The following VEGFA variants were observed in gnomAD, a reference collection of about 807,000 sequenced individuals.
VEGFA encodes vascular endothelial growth factor A, long form.
Under a neutral mutation model 49.7 loss-of-function variants are expected in VEGFA, and 20 were observed. The ratio of observed to expected loss-of-function variants is 0.40; its 90% CI spans 0.28 to 0.58. The LOEUF is 0.58. Ranked by LOEUF, VEGFA falls within the 20% of genes least tolerant of loss-of-function variation. VEGFA has a pLI of 0.40. For synonymous variants in VEGFA, 219 were observed against 223.4 expected, an observed-to-expected ratio of 0.98 and a Z score of 0.18; for missense variants, 505 against 553.5, an observed-to-expected ratio of 0.91 and a Z score of 0.88.
rs1470144810 is a variant in VEGFA at position 43,770,988 on chromosome 6, G to C, written c.282G>C (p.Glu94Asp). Residue 94 changes from glutamate to aspartate, a missense_variant, in exon 1 of 8, where the codon GAG becomes GAC. Glu to Asp is a conservative substitution (Grantham distance 45). Around this residue, in one of 2 missense-constraint regions of VEGFA, gnomAD observed 340 missense variants for 321.8 expected, o/e 1.06. Transcript: ENST00000672860. ...GCCGGGAGGAGCCGCAGCCGGAGGA[G>C]GGGGAGGAGGAAGAAGAGAAGGAAG... 4 of 1,542,480 alleles carry C rather than the reference G, an allele frequency of 2.6e-6. No homozygotes were observed. Among genetic ancestry groups the C allele is most frequent in the Non-Finnish European group, 2.6e-6 (3 of 1,144,660 alleles).
intron 7 of VEGFA, chr6:43,784,203 G>A: frequency 4.5e-6 from 2 of 440,718 alleles, no homozygotes; most frequent in South Asian, 2.3e-5. Flanking sequence ...CTCTTAAAAT[G>A]TCAAGTGGGG....
chr6:43,778,087 G>GA (rs1766061193), intron 3 of VEGFA: 1 of 457,320 alleles, frequency 2.2e-6, no homozygotes, highest in Non-Finnish European at 4.1e-6. Flanking sequence ...GGGTGGGAGG[G>GA]AGCTGTGAAA....
chr6:43,783,187 GTGC>G (rs1768463599), intron 7 of VEGFA: 1 of 152,260 alleles, frequency 6.6e-6, no homozygotes. Context: ...AACTTGGCCT[GTGC>G]TCAGAGTGAG....
Position 43,770,580 on chromosome 6 carries a change from A to G in VEGFA, c.-127A>G. On this transcript the variant is annotated 5_prime_UTR_variant, in exon 1 of 8. Transcript: ENST00000672860. Reference sequence around the variant, plus strand: ...AGTCGAGGAAGAGAGAGACGGGGTCAGAGAGAGCGCGCGGGCGTGCGAGCA... The same window carrying G: ...AGTCGAGGAAGAGAGAGACGGGGTCGGAGAGAGCGCGCGGGCGTGCGAGCA... The G allele has an allele frequency of 7.1e-7, 1 of 1,402,006 alleles. No individual in the cohort carries two copies. The highest frequency in any genetic ancestry group is 9.2e-7 in the Non-Finnish European group (1 of 1,083,830). The allele number at this position is 1,402,006 out of a possible 1,614,324, so 86.8% of individuals were successfully genotyped here. A position where few individuals can be genotyped will look rare whatever the true frequency, so the allele number is the denominator to read the frequency against.
intron 2 of VEGFA, chr6:43,776,072 A>G (rs1011768425): frequency 5.3e-5 from 8 of 152,204 alleles, no homozygotes; most frequent in African/African-American, 1.9e-4. Context: ...GCTTTGGTGA[A>G]GTTCTAAACT....
rs1765883108 is a variant in VEGFA at position 43,777,691 on chromosome 6, A to C, written c.855+26A>C. 2.9e-4 allele frequency: 216 copies of C among 734,116 alleles called. No individual in the cohort carries two copies. Among genetic ancestry groups the C allele is most frequent in the Non-Finnish European group, 4.3e-4 (189 of 444,394 alleles). The allele number at this position is 734,116 out of a possible 1,614,324, so 45.5% of individuals were successfully genotyped here. A position where few individuals can be genotyped will look rare whatever the true frequency, so the allele number is the denominator to read the frequency against. On this transcript the variant is annotated intron_variant, in intron 3 of 7. Transcript: ENST00000672860. This position sits in a 1 kb window ranked among gnomAD's most constrained non-coding sequence, Gnocchi z 4.3. Reference sequence around the variant, plus strand: ...GTGGGCATCTTTGGGAAGTGGGGCAAGGGGGGGATAGGGAGGGGGGTAACA... The same window carrying C: ...GTGGGCATCTTTGGGAAGTGGGGCACGGGGGGGATAGGGAGGGGGGTAACA...
In VEGFA at chr6:43,775,218, G is replaced by A. The variant is rs2128015203; in HGVS notation, c.658+826G>A. 2 of 152,552 alleles carry A rather than the reference G, an allele frequency of 1.3e-5. 1 individual carries two copies. Among genetic ancestry groups the A allele is most frequent in the Non-Finnish European group, 2.9e-5 (2 of 68,214 alleles). 9.4% of individuals were successfully genotyped at this position (152,552 alleles called of 1,614,324 possible). On this transcript the variant is annotated intron_variant, in intron 2 of 7. Transcript: ENST00000672860. ...TCCCCACCCCAGGAGCCCTTTCCTT[G>A]GCCTAGGACCTGGCTTCTCAGCCAC...
chr6:43,781,723 C>G, intron 6 of VEGFA: 1 of 517,306 alleles, frequency 1.9e-6, no homozygotes, highest in Non-Finnish European at 3.5e-6. Context: ...TCCCTGCACT[C>G]TCTGCCCGTC....
rs771420069 is a variant in VEGFA, at chr6:43,780,738, A to G, written c.969A>G (p.Ser323=). 14 of 1,612,390 alleles carry G rather than the reference A, an allele frequency of 8.7e-6. No individual in the cohort carries two copies. The highest frequency in any genetic ancestry group is 1.2e-5 in the Non-Finnish European group (14 of 1,179,810). Residue 323 remains serine (S), a synonymous_variant, in exon 6 of 8, where the codon TCA becomes TCG. Coordinates refer to ENST00000672860, the MANE Select transcript of VEGFA (RefSeq NM_003376.6). ...CTGTTTTTTTATTTTCCAGAAAATC[A>G]GTTCGAGGAAAGGGAAAGGGGCAAA...
At chr6:43,772,155 C>T in intron 1 of VEGFA, 1 of 803,684 alleles carries the variant, frequency 1.2e-6, no homozygotes, top group Non-Finnish European at 1.5e-6. Flanking sequence ...CTACTGTCTC[C>T]AGACCCTACC....
intron 2 of VEGFA, 151 bp downstream of exon 2, chr6:43,774,543 T>G (rs1764670474): frequency 2.2e-6 from 2 of 923,672 alleles, no homozygotes; most frequent in Admixed American, 4.0e-5. Flanking sequence ...ACCACGAGGT[T>G]CACCCTCAGT....
At chr6:43,774,317 G>A (rs1414182468) in intron 1 of VEGFA, 24 bp from the exon 2 acceptor site, 7 of 1,613,812 alleles carry the variant, frequency 4.3e-6, no homozygotes, top group Non-Finnish European at 5.1e-6. Flanking sequence ...CCATGCCCAT[G>A]CCTTGCTCTC....
chr6:43,781,758 G>C, intron 6 of VEGFA, 198 bp from the exon 7 acceptor site: 1 of 631,284 alleles, frequency 1.6e-6, no homozygotes, highest in Non-Finnish European at 2.7e-6. Context: ...CCTGCGGCAG[G>C]TGTCCTAGCC....
At position 43,777,199 on chromosome 6, in the gene VEGFA, G is replaced by A. The variant is rs1765716664; in HGVS notation, c.659-270G>A. 1.7e-5 allele frequency: 9 copies of A among 531,018 alleles called. No homozygotes were observed. The highest frequency in any genetic ancestry group is 3.8e-5 in the African/African-American group (2 of 52,824). 32.9% of individuals were successfully genotyped at this position (531,018 alleles called of 1,614,324 possible). ...CAGGATTCAGTTCAGCTGTCACAGT[G>A]AGGTGGCGGGATCAGATGTGGCAGG... On this transcript the variant is annotated intron_variant, in intron 2 of 7. Coordinates refer to ENST00000672860, the MANE Select transcript of VEGFA (RefSeq NM_003376.6). This position sits in a 1 kb window ranked among gnomAD's most constrained non-coding sequence, Gnocchi z 4.3.
intron 1 of VEGFA, among the ~76,000 whole-genome samples, chr6:43,772,357 T>C (rs1885657): frequency 0.26 from 39,442 of 152,158 alleles, 5,732 homozygotes; most frequent in African/African-American, 0.39. Context: ...GGGAGCCCAC[T>C]GGGCGCTTTG....
In VEGFA at chr6:43,773,846, C is replaced by T; in HGVS notation, c.607-495C>T. On this transcript the variant is annotated intron_variant, in intron 1 of 7. Transcript: ENST00000672860. The surrounding 1 kb of genome is among the most constrained non-coding windows in gnomAD (Gnocchi z 5.6). ...GCCCTTCGGTCCTCGGCACCCCCCT[C>T]CGTCTCCAACACCAGCTCACCCTGG... 1.6e-5 allele frequency: 3 copies of T among 185,964 alleles called. No homozygotes were observed. In the South Asian group the frequency reaches 3.3e-4, roughly 20 times the overall value. The allele number at this position is 185,964 out of a possible 1,614,324, so 11.5% of individuals were successfully genotyped here.
chr6:43,772,177 C>G, intron 1 of VEGFA: 2 of 656,878 alleles, frequency 3.0e-6, no homozygotes, highest in Non-Finnish European at 3.8e-6. Context: ...CTGCCCAGTG[C>G]TAGGAGGAAT....
chr6:43,774,190 C>A lies in VEGFA; in HGVS notation c.607-151C>A, dbSNP rs184333858. 506 of 777,278 alleles carry A rather than the reference C, an allele frequency of 6.5e-4. 1 individual carries two copies. Among genetic ancestry groups the A allele is most frequent in the Admixed American group, 1.3e-3 (65 of 49,780 alleles). 48.1% of individuals were successfully genotyped at this position (777,278 alleles called of 1,614,324 possible). ...TGGGCATATTCTGTGCCCGTGGGGA[C>A]CCCCGGTTGTGTCCTGTTCGACTCA... On this transcript the variant is annotated intron_variant, in intron 1 of 7. Transcript: ENST00000672860.
chr6:43,784,149 G>C (rs1768906073), intron 7 of VEGFA: 1 of 324,806 alleles, frequency 3.1e-6, no homozygotes, highest in South Asian at 3.1e-5. Context: ...CCTCAGCAGG[G>C]AGCCTCTTCT....
Sources: gnomAD v4.1 joint callset for allele counts (sites outside exome capture counted in the v4.1 genomes callset) on GRCh38, gnomAD v4.1.1 for gene constraint, gnomAD v4.1.1 regional missense constraint, Gnocchi (gnomAD v3.1) non-coding constraint, MANE v1.5 for transcripts, NCBI Gene and HGNC (gene_info 2026-07-23, HGNC 2026-07-21) for gene names.